The following MACROD2 variants were observed in gnomAD, a reference collection of about 807,000 sequenced individuals.
MACROD2 encodes ADP-ribose glycohydrolase MACROD2.
A neutral mutation model predicts 70.4 loss-of-function variants in MACROD2; 36 were observed. That is an observed-to-expected ratio of 0.51 (90% CI 0.39 to 0.68). The LOEUF is 0.68. MACROD2 is among the 30% of genes least tolerant of loss of function. The pLI, the probability that MACROD2 is intolerant of heterozygous loss-of-function variation, is 0.00. For synonymous variants in MACROD2, 172 were observed against 178.8 expected (o/e 0.96, Z 0.30); for missense variants, 496 against 538.4 (o/e 0.92, Z 0.78).
Position 14,369,716 on chromosome 20 carries a change from T to C in MACROD2, c.272-123763T>C, listed in dbSNP as rs556107463. Among the ~76,000 whole-genome samples, 26 of 152,348 alleles carry C rather than the reference T, an allele frequency of 1.7e-4. No individual in the cohort carries two copies. The East Asian group carries it at 4.4e-3, about 26-fold the overall frequency. ...TACTATTTCCTATTTACCTTTTTTCTCTTATTTAATTATTTGCATATATTT... is the reference window on the plus strand; with the variant it reads ...TACTATTTCCTATTTACCTTTTTTCCCTTATTTAATTATTTGCATATATTT... On this transcript the variant is annotated intron_variant, in intron 3 of 17. Transcript: ENST00000684519.
intron 2 of MACROD2, among the ~76,000 whole-genome samples, chr20:14,033,085 C>CTTTTT (rs11480685): frequency 7.5e-6 from 1 of 132,634 alleles, no homozygotes; most frequent in African/African-American, 2.7e-5. Flanking sequence ...CTTGGTTTTT[C>CTTTTT]TTTTTTTTTT....
chr20:15,158,309 C>T (rs1411196479), intron 5 of MACROD2, among the ~76,000 whole-genome samples: 2 of 151,900 alleles, frequency 1.3e-5, no homozygotes, highest in East Asian at 3.9e-4. Flanking sequence ...GTAATAATAC[C>T]AATAGCAGTA....
intron 3 of MACROD2, among the ~76,000 whole-genome samples, chr20:14,150,932 A>G (rs969596320): frequency 6.6e-6 from 1 of 152,194 alleles, no homozygotes; most frequent in Non-Finnish European, 1.5e-5. Context: ...CTGCAAGTCA[A>G]CTTTTCAAAA....
At chr20:14,903,638 G>T (rs770287637) in intron 5 of MACROD2, among the ~76,000 whole-genome samples, 1 of 152,166 alleles carries the variant, frequency 6.6e-6, no homozygotes, top group Non-Finnish European at 1.5e-5. Flanking sequence ...ATTTTGACAG[G>T]TTGCAGTATT....
intron 10 of MACROD2, among the ~76,000 whole-genome samples, chr20:15,887,928 A>G (rs557055547): frequency 2.6e-5 from 4 of 152,298 alleles, no homozygotes; most frequent in East Asian, 3.9e-4. Flanking sequence ...GCCACATTTC[A>G]ACTACTTGTT....
At chr20:14,189,789 G>A (rs1374003210) in intron 3 of MACROD2, among the ~76,000 whole-genome samples, 1 of 152,172 alleles carries the variant, frequency 6.6e-6, no homozygotes, top group Admixed American at 6.5e-5. Flanking sequence ...TCTATAGTGG[G>A]TTTAGGATTC....
intron 8 of MACROD2, among the ~76,000 whole-genome samples, chr20:15,518,164 C>G (rs1037462970): frequency 7.9e-5 from 12 of 152,228 alleles, no homozygotes; most frequent in Non-Finnish European, 1.6e-4. Flanking sequence ...TGTCTTGACA[C>G]ACAGTTTGAG....
At chr20:15,862,560 GCACA>G (rs112613975) in intron 8 of MACROD2, among the ~76,000 whole-genome samples, 181 bp from the exon 9 acceptor site, 10 of 149,426 alleles carry the variant, frequency 6.7e-5, no homozygotes, top group African/African-American at 2.0e-4. Flanking sequence ...GTACACACAC[GCACA>G]CACACACACA....
At chr20:14,134,124 C>A (rs1016188952) in intron 3 of MACROD2, among the ~76,000 whole-genome samples, 1 of 152,162 alleles carries the variant, frequency 6.6e-6, no homozygotes, top group African/African-American at 2.4e-5. Flanking sequence ...CCTTAATATA[C>A]CTCCTGCTAA....
chr20:15,036,073 A>G (rs1015089210), intron 5 of MACROD2, among the ~76,000 whole-genome samples: 1 of 152,208 alleles, frequency 6.6e-6, no homozygotes, highest in African/African-American at 2.4e-5. Flanking sequence ...TCAATTAAGT[A>G]TTTTGACCTA....
intron 7 of MACROD2, among the ~76,000 whole-genome samples, chr20:15,459,347 G>A (rs2046776931): frequency 6.6e-6 from 1 of 151,968 alleles, no homozygotes; most frequent in Non-Finnish European, 1.5e-5. Flanking sequence ...TGCTCATTTG[G>A]TGTTAGGATG....
At chr20:16,032,217 A>G (rs1489791011) in intron 15 of MACROD2, among the ~76,000 whole-genome samples, 1 of 152,132 alleles carries the variant, frequency 6.6e-6, no homozygotes, top group Non-Finnish European at 1.5e-5. Context: ...CACACATGGA[A>G]TAAATATGGG....
rs143235213 is a variant in MACROD2 at position 15,539,103 on chromosome 20, C to G, written c.645+39256C>G. ...CATCTTTTTTTCTGAGTACGTAACT[C>G]TTGCACTTGTCCCTTTCAGGCAATG... On this transcript the variant is annotated intron_variant, in intron 8 of 17. Coordinates refer to ENST00000684519, the MANE Select transcript of MACROD2 (RefSeq NM_001351661.2). 1.7e-4 allele frequency among the ~76,000 whole-genome samples: 26 copies of G among 152,236 alleles called. No homozygotes were observed. The East Asian group carries it at 4.8e-3, about 28-fold the overall frequency.
At chr20:14,193,513 G>A (rs2081405153) in intron 3 of MACROD2, among the ~76,000 whole-genome samples, 1 of 152,094 alleles carries the variant, frequency 6.6e-6, no homozygotes, top group Non-Finnish European at 1.5e-5. Context: ...AGGGTTAAGG[G>A]CACAAAACAA....
At chr20:14,084,848 C>T (rs1054123738) in intron 2 of MACROD2, among the ~76,000 whole-genome samples, 2 of 151,704 alleles carry the variant, frequency 1.3e-5, no homozygotes, top group African/African-American at 4.8e-5. Flanking sequence ...GCTGGCCAGG[C>T]ATGGTGGCTC....
At chr20:16,031,782 T>C (rs944028557) in intron 15 of MACROD2, among the ~76,000 whole-genome samples, 5 of 152,122 alleles carry the variant, frequency 3.3e-5, no homozygotes, top group African/African-American at 1.2e-4. Flanking sequence ...GTATTATAAA[T>C]ACATATATTT....
At chr20:15,524,348 C>CGA (rs2047691703) in intron 8 of MACROD2, among the ~76,000 whole-genome samples, 1 of 151,956 alleles carries the variant, frequency 6.6e-6, no homozygotes, top group Admixed American at 6.6e-5. Flanking sequence ...TGCTAGTGTC[C>CGA]CTTGGACACA....
At chr20:14,640,346 G>C (rs1336600752) in intron 4 of MACROD2, among the ~76,000 whole-genome samples, 2 of 152,112 alleles carry the variant, frequency 1.3e-5, no homozygotes, top group African/African-American at 2.4e-5. Flanking sequence ...AAACTACTTT[G>C]CTTTTTTCCC....
intron 2 of MACROD2, among the ~76,000 whole-genome samples, chr20:14,015,373 G>A (rs2052973728): frequency 2.6e-5 from 4 of 152,170 alleles, no homozygotes; most frequent in Non-Finnish European, 5.9e-5. Context: ...CTTGAGGCTA[G>A]AAGTTTGAGA....
Sources: allele counts gnomAD v4.1 joint callset (sites outside exome capture counted in the v4.1 genomes callset), GRCh38; gene constraint gnomAD v4.1.1; transcripts MANE v1.5; gene names NCBI Gene and HGNC (gene_info 2026-07-23, HGNC 2026-07-21).